RARB: variants seen among roughly 807,000 people sequenced by gnomAD.
The protein encoded by RARB is HBV-activated protein.
Under a neutral mutation model 51.9 loss-of-function variants are expected in RARB, and 17 were observed. The observed-to-expected ratio is 0.33, with a 90% CI of 0.22 to 0.49. The LOEUF (loss-of-function observed/expected upper bound fraction) is 0.49, where lower values mean the gene tolerates loss of function less well. Among genes scored for constraint, RARB ranks in the 20% least tolerant of loss-of-function variants. RARB has a pLI of 0.99. For missense variants in RARB, 369 were observed against 550.8 expected (o/e 0.67, Z 3.30); for synonymous variants, 215 against 195.4 (o/e 1.10, Z -0.84).
intron 3 of RARB, among the ~76,000 whole-genome samples, chr3:25,556,797 T>C (rs1700078223): frequency 6.6e-6 from 1 of 152,176 alleles, no homozygotes; most frequent in African/African-American, 2.4e-5. Context: ...TGGCAAACTG[T>C]CCTTACAGCT....
In RARB at chr3:25,215,645, G is replaced by T. The variant is rs76128895; in HGVS notation, c.178+41070G>T. The stretch of plus-strand genomic sequence containing the variant: ...ACAGCATGTTGGAGGGTATTAAGGG[G>T]ATCCTTTCTCTCGATGATGATTTGA... On this transcript the variant is annotated intron_variant, in intron 5 of 11. Coordinates refer to the RARB transcript ENST00000383772. 6.6e-3 allele frequency among the ~76,000 whole-genome samples: 1,010 copies of T among 152,226 alleles called. 8 individuals carry two copies. The highest frequency in any genetic ancestry group is 0.022 in the African/African-American group (908 of 41,538).
intron 3 of RARB, among the ~76,000 whole-genome samples, chr3:25,093,842 C>G: frequency 6.6e-6 from 1 of 152,154 alleles, no homozygotes; most frequent in East Asian, 1.9e-4. Context: ...CAATTGGCAA[C>G]AAGCACCCAT....
At chr3:24,991,757 G>T (rs896602482) in intron 2 of RARB, among the ~76,000 whole-genome samples, 4 of 150,460 alleles carry the variant, frequency 2.7e-5, no homozygotes, top group Non-Finnish European at 6.0e-5. Flanking sequence ...GCCATATGGA[G>T]GGTGTTTTTT....
chr3:24,840,292 T>C (rs991459092), intron 1 of RARB, among the ~76,000 whole-genome samples: 1 of 152,186 alleles, frequency 6.6e-6, no homozygotes, highest in South Asian at 2.1e-4. Context: ...CTAGATGGGA[T>C]CAATATTTAT....
chr3:25,055,089 T>C (rs1698409808), intron 2 of RARB, among the ~76,000 whole-genome samples: 1 of 152,168 alleles, frequency 6.6e-6, no homozygotes, highest in South Asian at 2.1e-4. Context: ...TTAGCATTTA[T>C]TCCATTCTGC....
At chr3:25,216,984 T>G (rs1219623070) in intron 5 of RARB, among the ~76,000 whole-genome samples, 2 of 152,048 alleles carry the variant, frequency 1.3e-5, no homozygotes, top group Non-Finnish European at 2.9e-5. Flanking sequence ...CTTAATGACA[T>G]CCAGATTTGA....
chr3:25,326,922 T>A (rs62235569), intron 5 of RARB, among the ~76,000 whole-genome samples: 56,597 of 151,830 alleles, frequency 0.37, 11,193 homozygotes, highest in East Asian at 0.75. Flanking sequence ...ATGTGCCATG[T>A]TGGTGTGCTG....
chr3:24,986,181 G>A (rs1353498648), intron 2 of RARB, among the ~76,000 whole-genome samples: 1 of 152,160 alleles, frequency 6.6e-6, no homozygotes, highest in Non-Finnish European at 1.5e-5. Flanking sequence ...ATGTCTGTGT[G>A]TTCCTGCCAT....
Position 25,596,590 on chromosome 3 carries a change from G to A in RARB, c.1321G>A (p.Val441Ile). Residue 441 changes from valine (V) to isoleucine (I), a missense_variant, in exon 8 of 8, where the codon GTC becomes ATC. Transcript: ENST00000330688. ...ACCCAGCTCAGTGGAAAACAGTGGGGTCAGTCAGTCACCACTCGTGCAATA... is the reference window on the plus strand; with the variant it reads ...ACCCAGCTCAGTGGAAAACAGTGGGATCAGTCAGTCACCACTCGTGCAATA... Reference protein sequence around the residue: ...ISPSSVENSGVSQSPLVQ With the variant: ...ISPSSVENSGISQSPLVQ 3.7e-6 allele frequency: 6 copies of A among 1,609,810 alleles called. No individual in the cohort carries two copies. The highest frequency in any genetic ancestry group is 5.1e-6 in the Non-Finnish European group (6 of 1,176,862).
At chr3:25,225,455 G>T (rs1702036057) in intron 5 of RARB, among the ~76,000 whole-genome samples, 1 of 152,212 alleles carries the variant, frequency 6.6e-6, no homozygotes, top group Admixed American at 6.5e-5. Flanking sequence ...ATACACATCA[G>T]TAGGTCAGAA....
At chr3:25,264,460 C>T (rs917574609) in intron 5 of RARB, among the ~76,000 whole-genome samples, 8 of 152,112 alleles carry the variant, frequency 5.3e-5, no homozygotes, top group African/African-American at 1.9e-4. Context: ...TCTCTGTTTT[C>T]TGTTGTTGGA....
intron 2 of RARB, among the ~76,000 whole-genome samples, chr3:24,984,862 C>T (rs996970182): frequency 2.0e-5 from 3 of 152,158 alleles, no homozygotes; most frequent in Admixed American, 1.3e-4. Context: ...ATCTTTAGCT[C>T]AGTGAAAACG....
chr3:25,455,677 T>C (rs992137979), intron 1 of RARB, among the ~76,000 whole-genome samples: 1 of 152,204 alleles, frequency 6.6e-6, no homozygotes, highest in African/African-American at 2.4e-5. Context: ...TCACTGGTGC[T>C]GACTGTGCTC....
intron 3 of RARB, among the ~76,000 whole-genome samples, chr3:25,072,121 C>T (rs1485438661): frequency 1.3e-5 from 2 of 152,140 alleles, no homozygotes; most frequent in African/African-American, 2.4e-5. Flanking sequence ...GATAGTGTGC[C>T]GAATGTCCCT....
At chr3:24,927,629 G>C (rs533352308) in intron 2 of RARB, among the ~76,000 whole-genome samples, 1 of 152,036 alleles carries the variant, frequency 6.6e-6, no homozygotes, top group African/African-American at 2.4e-5. Flanking sequence ...AGTTTGTATA[G>C]CCAAGAAATA....
chr3:24,929,618 G>A (rs1695398766), intron 2 of RARB, among the ~76,000 whole-genome samples: 1 of 152,052 alleles, frequency 6.6e-6, no homozygotes, highest in Admixed American at 6.6e-5. Context: ...GCTAGATTCT[G>A]AAGATGTAGG....
At chr3:25,277,328 A>C (rs1050016072) in intron 5 of RARB, among the ~76,000 whole-genome samples, 1 of 152,202 alleles carries the variant, frequency 6.6e-6, no homozygotes, top group African/African-American at 2.4e-5. Context: ...TCAGTCACCC[A>C]AAAGTCATCC....
chr3:25,434,875 C>G (rs1708367393), intron 1 of RARB, among the ~76,000 whole-genome samples: 1 of 152,080 alleles, frequency 6.6e-6, no homozygotes, highest in African/African-American at 2.4e-5. Context: ...GTTCCCATCC[C>G]CATCTGCATC....
intron 5 of RARB, among the ~76,000 whole-genome samples, chr3:25,208,045 G>C (rs955791171): frequency 2.6e-5 from 4 of 151,898 alleles, no homozygotes; most frequent in East Asian, 3.9e-4. Flanking sequence ...TTGGGGGAAT[G>C]CTACGCACCG....
Sources: allele counts gnomAD v4.1 joint callset (sites outside exome capture counted in the v4.1 genomes callset), GRCh38; gene constraint gnomAD v4.1.1; transcripts MANE v1.5; gene names NCBI Gene and HGNC (gene_info 2026-07-23, HGNC 2026-07-21).